Variants in RAB38 observed in about 807,000 individuals in gnomAD.
RAB38 encodes the protein RAB38, member RAS oncogene family.
RAB38 carries 15 observed loss-of-function variants against 18.4 expected under a neutral mutation model. That is an observed-to-expected ratio of 0.82 (90% CI 0.55 to 1.26). The LOEUF is 1.26. RAB38 is among the 50% of genes most tolerant of loss of function. RAB38 has a pLI of 0.00. For synonymous variants in RAB38, 101 were observed against 104.4 expected, an observed-to-expected ratio of 0.97 and a Z score of 0.20; for missense variants, 294 against 267.4, an observed-to-expected ratio of 1.10 and a Z score of -0.69.
At chr11:87,884,417 G>A in the RAB38 span, among the ~76,000 whole-genome samples, 6,825 of 152,066 alleles carry the variant, frequency 0.045, 226 homozygotes, top group Middle Eastern at 0.12. Context: ...CAGCCTGGGA[G>A]ATGGGGAAAT....
At chr11:87,868,578 GGAGAGA>G in the RAB38 span, among the ~76,000 whole-genome samples, 5,567 of 58,904 alleles carry the variant, frequency 0.095, 89 homozygotes, top group Admixed American at 0.18. Flanking sequence ...AAGGAGTGAG[GGAGAGA>G]GAGAGAGAGA....
the RAB38 span, among the ~76,000 whole-genome samples, chr11:88,027,701 G>C: frequency 2.6e-5 from 4 of 152,318 alleles, no homozygotes; most frequent in Non-Finnish European, 4.4e-5. Flanking sequence ...GGCTTGCTTA[G>C]GTAAACAAAG....
chr11:87,811,305 A>C, the RAB38 span, among the ~76,000 whole-genome samples: 8 of 152,222 alleles, frequency 5.3e-5, no homozygotes, highest in Non-Finnish European at 1.0e-4. Flanking sequence ...CTAAAATGTC[A>C]GTAGCTGTGG....
the RAB38 span, among the ~76,000 whole-genome samples, chr11:87,930,826 C>CT: frequency 1.4e-5 from 2 of 145,166 alleles, no homozygotes; most frequent in Non-Finnish European, 3.0e-5. Context: ...ATAGGGAATC[C>CT]TTTCCCCATT....
At chr11:88,023,798 T>C in the RAB38 span, among the ~76,000 whole-genome samples, 1 of 151,882 alleles carries the variant, frequency 6.6e-6, no homozygotes, top group Non-Finnish European at 1.5e-5. Flanking sequence ...TCAGAAAAAA[T>C]ACAATCTCTT....
the RAB38 span, among the ~76,000 whole-genome samples, chr11:87,952,677 A>G: frequency 1.3e-5 from 2 of 152,224 alleles, no homozygotes; most frequent in African/African-American, 4.8e-5. Context: ...GGACATGGTC[A>G]CTATGTCCTG....
At chr11:87,905,333 T>G in the RAB38 span, among the ~76,000 whole-genome samples, 1 of 151,162 alleles carries the variant, frequency 6.6e-6, no homozygotes, top group African/African-American at 2.4e-5. Context: ...GTTAGCTCTT[T>G]CCATCATTTC....
At chr11:88,105,642 A>C in the RAB38 span, among the ~76,000 whole-genome samples, 1 of 152,156 alleles carries the variant, frequency 6.6e-6, no homozygotes, top group African/African-American at 2.4e-5. Context: ...ATGGGGTGAG[A>C]AAATCATGGC....
At chr11:88,130,894 T>C (rs1339304064) in intron 2 of RAB38, among the ~76,000 whole-genome samples, 1 of 152,164 alleles carries the variant, frequency 6.6e-6, no homozygotes, top group Non-Finnish European at 1.5e-5. Flanking sequence ...ATTAGAATTT[T>C]AGAATGTTCT....
chr11:88,062,676 A>G, the RAB38 span, among the ~76,000 whole-genome samples: 92 of 152,360 alleles, frequency 6.0e-4, no homozygotes, highest in Non-Finnish European at 1.1e-3. Context: ...ACAAAAGAGC[A>G]ACATGGAAGA....
At chr11:88,043,490 T>C in the RAB38 span, among the ~76,000 whole-genome samples, 1 of 151,972 alleles carries the variant, frequency 6.6e-6, no homozygotes, top group Non-Finnish European at 1.5e-5. Context: ...AACAGAAGAA[T>C]GACAAAAGAA....
chr11:88,162,170 G>A (rs950139335), intron 1 of RAB38, among the ~76,000 whole-genome samples: 1 of 152,094 alleles, frequency 6.6e-6, no homozygotes, highest in Non-Finnish European at 1.5e-5. Flanking sequence ...TTTAATAAAA[G>A]CCTATTTGAC....
the RAB38 span, among the ~76,000 whole-genome samples, chr11:87,882,606 C>A: frequency 6.6e-6 from 1 of 151,846 alleles, no homozygotes; most frequent in African/African-American, 2.4e-5. Flanking sequence ...AAGTTAGTTC[C>A]TGTCCTCAAA....
the RAB38 span, among the ~76,000 whole-genome samples, chr11:87,873,922 G>GTGTGTGTGTATATATATATATA: frequency 2.9e-5 from 3 of 103,122 alleles, no homozygotes; most frequent in East Asian, 2.6e-4. Flanking sequence ...GTGTGTGTGT[G>GTGTGTGTGTATATATATATATA]TATATATATA....
At chr11:87,875,820 T>C in the RAB38 span, among the ~76,000 whole-genome samples, 3 of 151,602 alleles carry the variant, frequency 2.0e-5, no homozygotes, top group Admixed American at 6.6e-5. Context: ...ATATTGACCT[T>C]CTATTCAACA....
At chr11:87,964,692 G>T in the RAB38 span, among the ~76,000 whole-genome samples, 1 of 151,848 alleles carries the variant, frequency 6.6e-6, no homozygotes, top group African/African-American at 2.4e-5. Context: ...CCACTTGGTG[G>T]TATAAAACAC....
chr11:88,063,561 G>A, the RAB38 span, among the ~76,000 whole-genome samples: 1 of 152,166 alleles, frequency 6.6e-6, no homozygotes, highest in South Asian at 2.1e-4. Context: ...CTACACCTAA[G>A]ATAGGGTGTC....
chr11:88,120,467 G>A (rs1472593359), intron 2 of RAB38, among the ~76,000 whole-genome samples: 1 of 152,192 alleles, frequency 6.6e-6, no homozygotes, highest in South Asian at 2.1e-4. Flanking sequence ...CATGGTGAAT[G>A]TGACGCAGAG....
intron 2 of RAB38, among the ~76,000 whole-genome samples, chr11:88,146,098 T>G (rs1942981627): frequency 6.6e-6 from 1 of 152,188 alleles, no homozygotes; most frequent in African/African-American, 2.4e-5. Flanking sequence ...TTAATTCACT[T>G]GCCAGCCAGG....
Sources: allele counts gnomAD v4.1 joint callset (sites outside exome capture counted in the v4.1 genomes callset), GRCh38; gene constraint gnomAD v4.1.1; transcripts MANE v1.5; gene names NCBI Gene and HGNC (gene_info 2026-07-23, HGNC 2026-07-21).